Variants in RAB13 observed in about 807,000 individuals in gnomAD.
RAB13 encodes ras-related protein Rab-13.
In RAB13, 15 loss-of-function variants were observed where a neutral mutation model predicts 29.3. The ratio of observed to expected loss-of-function variants is 0.51; its 90% CI spans 0.34 to 0.79. The LOEUF is 0.79. Among genes scored for constraint, RAB13 ranks in the 30% least tolerant of loss-of-function variants. The probability of loss-of-function intolerance (pLI) is 0.01; values close to 1 mark genes in which losing one functional copy is unlikely to be tolerated. For missense variants in RAB13, 186 were observed against 255.5 expected, an observed-to-expected ratio of 0.73 and a Z score of 1.85; for synonymous variants, 82 against 93.8, an observed-to-expected ratio of 0.87 and a Z score of 0.73.
intron 1 of RAB13, 159 bp downstream of exon 1, chr1:153,985,954 A>T (rs1165159110): frequency 7.5e-7 from 1 of 1,325,404 alleles, no homozygotes; most frequent in Non-Finnish European, 1.0e-6. Context: ...GTTACTATAC[A>T]GAGACATGCA....
upstream of RAB13, among the ~76,000 whole-genome samples, chr1:153,987,774 C>CAAAAAA (rs60689643): frequency 7.4e-5 from 4 of 54,310 alleles, no homozygotes; most frequent in East Asian, 4.5e-4. Flanking sequence ...ACTGCTTCGA[C>CAAAAAA]AAAAAAAAAA....
intron 1 of RAB13, chr1:153,985,013 A>G: frequency 8.0e-7 from 1 of 1,246,908 alleles, no homozygotes; most frequent in Non-Finnish European, 1.0e-6. Context: ...GGAAAAGGTG[A>G]CGAAAATTCT....
In RAB13 at chr1:153,983,243, C is replaced by G. The variant is rs773537869; in HGVS notation, c.300G>C (p.Gln100His). The change falls in exon 4 of 8, where the codon CAG becomes CAC. Residue 100 changes from glutamine to histidine, a missense_variant. Transcript: ENST00000368575. ...ITDEKSFENI[Q>H]NWMKSIKENA... Reference sequence around the variant, plus strand: ...CCTCCTTGATGCTTTTCATCCAGTTCTGAATATTCTCGAAAGATTTCTCAT... The same window carrying G: ...CCTCCTTGATGCTTTTCATCCAGTTGTGAATATTCTCGAAAGATTTCTCAT... The G allele has an allele frequency of 6.2e-7, 1 of 1,613,822 alleles. No individual in the cohort carries two copies. The highest frequency in any genetic ancestry group is 1.3e-5 in the African/African-American group (1 of 74,902).
intron 3 of RAB13, 35 bp downstream of exon 3, chr1:153,983,486 A>G (rs746014186): frequency 2.5e-5 from 39 of 1,564,370 alleles, no homozygotes; most frequent in African/African-American, 9.5e-5. Context: ...CTGTAGCCTC[A>G]TCCTTCATCC....
rs547812764 is a variant in RAB13 at position 153,982,334 on chromosome 1, C to T, written c.534+57G>A. 2.4e-5 allele frequency: 35 copies of T among 1,457,806 alleles called. No homozygotes were observed. Among genetic ancestry groups the T allele is most frequent in the Non-Finnish European group, 3.2e-5 (34 of 1,055,648 alleles). 90.3% of individuals were successfully genotyped at this position (1,457,806 alleles called of 1,614,324 possible). A position where few individuals can be genotyped will look rare whatever the true frequency, so the allele number is the denominator to read the frequency against. ...ACACACACACACACACACACACACA[C>T]ATACATACACACACACACACCCCAG... is the stretch of plus-strand genomic sequence containing the variant. On this transcript the variant is annotated intron_variant, in intron 7 of 7. Transcript: ENST00000368575.
chr1:153,990,631 C>T, upstream of RAB13: 1 of 825,640 alleles, frequency 1.2e-6, no homozygotes, highest in South Asian at 1.5e-5. Flanking sequence ...AAAGACCTTC[C>T]GAAAATGGCA....
chr1:153,987,528 A>AAAGAAAG (rs1553215353), upstream of RAB13, among the ~76,000 whole-genome samples: 120 of 127,524 alleles, frequency 9.4e-4, no homozygotes, highest in East Asian at 4.1e-3. Flanking sequence ...AAAAAAAAAA[A>AAAGAAAG]AAAGAAAGAA....
chr1:153,986,164 T>C lies in RAB13; in HGVS notation c.73A>G (p.Ile25Val). The C allele has an allele frequency of 6.2e-7, 1 of 1,613,900 alleles. No homozygotes were observed. The highest frequency in any genetic ancestry group is 8.5e-7 in the Non-Finnish European group (1 of 1,179,950). ...AAGTTGTCCTCTGCAAAGCGAATGA[T>C]CAGACAAGTCTTGCCCACCCCCGAG... is the stretch of plus-strand genomic sequence containing the variant. ...GDSGVGKTCL[I>V]IRFAEDNFNN... The change falls in exon 1 of 8, where the codon ATC becomes GTC. Residue 25 changes from isoleucine (I) to valine (V), a missense_variant. Coordinates refer to ENST00000368575, the MANE Select transcript of RAB13 (RefSeq NM_002870.5).
chr1:153,982,328 C>A, intron 7 of RAB13, 63 bp downstream of exon 7: 1 of 1,501,084 alleles, frequency 6.7e-7, no homozygotes, highest in South Asian at 1.1e-5. Flanking sequence ...CACACACACA[C>A]ACACACATAC....
Position 153,982,723 on chromosome 1 carries a change from T to A in RAB13, c.410A>T (p.Asp137Val), listed in dbSNP as rs200896887. The change falls in exon 5 of 8, where the codon GAT (aspartate) becomes GTT (valine). Residue 137 changes from aspartate to valine, a missense_variant. Physicochemically the swap from Asp to Val is radical, Grantham distance 152 (BLOSUM62 -3). Transcript: ENST00000368575. ...ATTGCTCAGCCTGGCCCTCACCTTATCGGCCTGCTCCTTCTGCACCTTCCT... is the reference window on the plus strand; with the variant it reads ...ATTGCTCAGCCTGGCCCTCACCTTAACGGCCTGCTCCTTCTGCACCTTCCT... ...AKRKVQKEQA[D>V]KLAREHGIRF... is the part of the protein sequence containing the mutation. The A allele has an allele frequency of 1.2e-6, 2 of 1,614,174 alleles. No homozygotes were observed. Among genetic ancestry groups the A allele is most frequent in the Non-Finnish European group, 1.7e-6 (2 of 1,180,012 alleles).
chr1:153,990,655 C>G (rs1011600818), upstream of RAB13: 209 of 1,095,206 alleles, frequency 1.9e-4, no homozygotes, highest in Non-Finnish European at 2.6e-4. Flanking sequence ...CCCTTGTCTC[C>G]CCACTGCGGC....
At chr1:153,990,635 A>G (rs1424859051), upstream of RAB13, 5 of 857,742 alleles carry the variant, frequency 5.8e-6, 1 homozygote, top group Middle Eastern at 4.4e-4. Context: ...ACCTTCCGAA[A>G]ATGGCAGCTC....
At chr1:153,986,395 CGG>C, upstream of RAB13, 1 of 635,898 alleles carries the variant, frequency 1.6e-6, no homozygotes, top group Non-Finnish European at 2.7e-6. Flanking sequence ...GGCACCCCTC[CGG>C]GCTCCACCCC....
upstream of RAB13, among the ~76,000 whole-genome samples, chr1:153,988,911 CTTTGT>C (rs1386702604): frequency 6.8e-6 from 1 of 147,528 alleles, no homozygotes; most frequent in Non-Finnish European, 1.5e-5. Flanking sequence ...TGCGCCCAAC[CTTTGT>C]TTTTACTTTT....
At chr1:153,987,293 T>A (rs891365142), upstream of RAB13, among the ~76,000 whole-genome samples, 2 of 150,294 alleles carry the variant, frequency 1.3e-5, no homozygotes, top group African/African-American at 4.9e-5. Flanking sequence ...GATCACGAGG[T>A]CAGGAGATCG....
In RAB13 at chr1:153,982,164, T is replaced by C; in HGVS notation, c.547A>G (p.Lys183Glu). Residue 183 changes from lysine (K) to glutamate (E), a missense_variant, in exon 8 of 8, where the codon AAG becomes GAG. Transcript: ENST00000368575. ...GTTTTCAGGTCAGTACTGGGAGGCT[T>C]GTTGCCGTTTCCCTAGAGGGAGAAG... ...SGGRRSGNGN[K>E]PPSTDLKTCD... 1 of 1,614,048 alleles carries C rather than the reference T, an allele frequency of 6.2e-7. No individual in the cohort carries two copies. Among genetic ancestry groups the C allele is most frequent in the Non-Finnish European group, 8.5e-7 (1 of 1,179,962 alleles).
rs1339885851 is a variant in RAB13, at chr1:153,982,334, CAT to C, written c.534+55_534+56del. ...ACACACACACACACACACACACACACATACATACACACACACACACCCCAGAG... is the reference window on the plus strand; with the variant it reads ...ACACACACACACACACACACACACACACATACACACACACACACCCCAGAG... On this transcript the variant is annotated intron_variant, in intron 7 of 7. Transcript: ENST00000368575. 451 of 1,457,596 alleles carry C rather than the reference CAT, an allele frequency of 3.1e-4. 1 individual carries two copies. The African/African-American group carries it at 4.5e-3, about 15-fold the overall frequency. 90.3% of individuals were successfully genotyped at this position (1,457,596 alleles called of 1,614,324 possible). A position where few individuals can be genotyped will look rare whatever the true frequency, so the allele number is the denominator to read the frequency against.
At chr1:153,989,234 GA>G (rs1194888787), upstream of RAB13, among the ~76,000 whole-genome samples, 3 of 142,058 alleles carry the variant, frequency 2.1e-5, no homozygotes, top group Admixed American at 2.1e-4. Flanking sequence ...GACCGGCAAA[GA>G]AAAAATTATT....
intron 3 of RAB13, 57 bp downstream of exon 3, chr1:153,983,464 T>A (rs1371530992): frequency 5.8e-6 from 9 of 1,546,486 alleles, no homozygotes; most frequent in Non-Finnish European, 8.0e-6. Flanking sequence ...CCCTTTGTAT[T>A]CATAATATAT....
Sources: gnomAD v4.1 joint callset for allele counts (sites outside exome capture counted in the v4.1 genomes callset) on GRCh38, gnomAD v4.1.1 for gene constraint, MANE v1.5 for transcripts, NCBI Gene and HGNC (gene_info 2026-07-23, HGNC 2026-07-21) for gene names.